PFKFB2: variants seen among roughly 807,000 people sequenced by gnomAD.
PFKFB2 encodes 6-phosphofructo-2-kinase/fructose-2,6-biphosphatase 2.
Under a neutral mutation model 68.0 loss-of-function variants are expected in PFKFB2, and 53 were observed. The ratio of observed to expected loss-of-function variants is 0.78; its 90% CI spans 0.63 to 0.98. The LOEUF is 0.98. PFKFB2 is among the 50% of genes least tolerant of loss of function. The pLI is 0.00. For synonymous variants in PFKFB2, 222 were observed against 227.6 expected (o/e 0.98, Z 0.22); for missense variants, 451 against 642.0 (o/e 0.70, Z 3.22).
chr1:207,063,871 T>C lies in PFKFB2; in HGVS notation c.507+42T>C. 8.0e-7 allele frequency: 1 copy of C among 1,255,968 alleles called. No individual in the cohort carries two copies. The highest frequency in any genetic ancestry group is 1.2e-6 in the Non-Finnish European group (1 of 867,338). 77.8% of individuals were successfully genotyped at this position (1,255,968 alleles called of 1,614,324 possible). ...CATATCATCTCCTCTTCACCTTTTGTGCTGTGTGTGTTGTGGGGTGTGTGT... is the reference window on the plus strand; with the variant it reads ...CATATCATCTCCTCTTCACCTTTTGCGCTGTGTGTGTTGTGGGGTGTGTGT... On this transcript the variant is annotated intron_variant, in intron 7 of 14. Coordinates refer to ENST00000367080, the MANE Select transcript of PFKFB2 (RefSeq NM_006212.2). This position sits in a 1 kb window ranked among gnomAD's most constrained non-coding sequence, Gnocchi z 4.1.
chr1:207,061,149 A>ATG lies in PFKFB2; in HGVS notation c.86-803_86-802insGT, dbSNP rs1335520551. On this transcript the variant is annotated intron_variant, in intron 2 of 14. Coordinates refer to ENST00000367080, the MANE Select transcript of PFKFB2 (RefSeq NM_006212.2). ...TATATCTTTATATATATCTTTATAT[A>ATG]TATTTATATATATCTTTATATATAT... 5.6e-5 allele frequency among the ~76,000 whole-genome samples: 6 copies of ATG among 106,950 alleles called. No individual in the cohort carries two copies. The Admixed American group carries it at 5.6e-4, about 10-fold the overall frequency. The allele number at this position is 106,950 out of a possible 152,430, so 70.2% of individuals were successfully genotyped here.
intron 2 of PFKFB2, among the ~76,000 whole-genome samples, chr1:207,043,495 C>T (rs1450307129): frequency 2.0e-5 from 3 of 152,132 alleles, no homozygotes; most frequent in African/African-American, 7.2e-5. Context: ...AATAAACCCT[C>T]CTATAGTGAT....
upstream of PFKFB2, chr1:207,049,840 A>C (rs567370143): frequency 1.5e-4 from 132 of 902,648 alleles, no homozygotes; most frequent in African/African-American, 2.1e-3. Flanking sequence ...TGGGGTTACT[A>C]AGGAGAATAC....
In PFKFB2 at chr1:207,076,957, G is replaced by A; in HGVS notation, c.*4586G>A. On this transcript the variant is annotated 3_prime_UTR_variant, in exon 15 of 15. Transcript: ENST00000367080. Reference sequence around the variant, plus strand: ...AAGGAAGGAATTAAGCACTCCACGTGTTTTCTTTATAGGGGAGTTCTGTAC... The same window carrying A: ...AAGGAAGGAATTAAGCACTCCACGTATTTTCTTTATAGGGGAGTTCTGTAC... 3.1e-6 allele frequency: 3 copies of A among 981,920 alleles called. No individual in the cohort carries two copies. The highest frequency in any genetic ancestry group is 2.4e-6 in the Non-Finnish European group (2 of 826,774). 60.8% of individuals were successfully genotyped at this position (981,920 alleles called of 1,614,324 possible).
In PFKFB2 at chr1:207,074,021, G is replaced by GAATT; in HGVS notation, c.*1651_*1654dup. The stretch of plus-strand genomic sequence containing the variant: ...GGTTCTCATCCAGGAGTATTCCTTA[G>GAATT]AATTGCCTTTAGGATTGTTGAATCA... On this transcript the variant is annotated 3_prime_UTR_variant, in exon 15 of 15. Coordinates refer to ENST00000367080, the MANE Select transcript of PFKFB2 (RefSeq NM_006212.2). The GAATT allele has an allele frequency of 1.0e-6, 1 of 966,586 alleles. No individual in the cohort carries two copies. Among genetic ancestry groups the GAATT allele is most frequent in the Non-Finnish European group, 1.2e-6 (1 of 812,792 alleles). The allele number at this position is 966,586 out of a possible 1,614,324, so 59.9% of individuals were successfully genotyped here. A position where few individuals can be genotyped will look rare whatever the true frequency, so the allele number is the denominator to read the frequency against.
intron 9 of PFKFB2, among the ~76,000 whole-genome samples, 168 bp from the exon 10 acceptor site, chr1:207,067,995 G>C (rs1683346189): frequency 6.6e-6 from 1 of 152,058 alleles, no homozygotes; most frequent in African/African-American, 2.4e-5. Flanking sequence ...ATTTCCTTTT[G>C]GGTTTATATT....
chr1:207,043,100 G>C (rs936180330), intron 2 of PFKFB2, among the ~76,000 whole-genome samples: 5 of 151,248 alleles, frequency 3.3e-5, no homozygotes, highest in African/African-American at 1.2e-4. Context: ...ACCAATTTCT[G>C]ATGTCCTTCT....
At chr1:207,056,026 G>A (rs533410423) in intron 2 of PFKFB2, among the ~76,000 whole-genome samples, 6 of 152,218 alleles carry the variant, frequency 3.9e-5, no homozygotes, top group African/African-American at 9.6e-5. Flanking sequence ...TTGAATCCCG[G>A]GTTTATGACT....
chr1:207,068,487 G>T (rs964912398), intron 10 of PFKFB2, among the ~76,000 whole-genome samples, 178 bp downstream of exon 10: 1 of 152,036 alleles, frequency 6.6e-6, no homozygotes, highest in Non-Finnish European at 1.5e-5. Flanking sequence ...CCCTAATCAG[G>T]GGTTTCCTGC....
upstream of PFKFB2, chr1:207,048,996 C>A: frequency 1.2e-6 from 2 of 1,600,624 alleles, no homozygotes. Context: ...AGGTAGTAGG[C>A]TTCAACCCTC....
At chr1:207,068,402 C>G in intron 10 of PFKFB2, 93 bp downstream of exon 10, 2 of 1,102,138 alleles carry the variant, frequency 1.8e-6, no homozygotes, top group Non-Finnish European at 2.5e-6. Flanking sequence ...ATCTAGGAAA[C>G]TACAACCAAC....
intron 7 of PFKFB2, among the ~76,000 whole-genome samples, chr1:207,064,175 G>A (rs1683213163): frequency 2.6e-5 from 4 of 152,088 alleles, no homozygotes; most frequent in Admixed American, 2.0e-4. Flanking sequence ...AGCCGGGCAC[G>A]GTGGCTCATG....
chr1:207,051,950 T>C (rs781100487), upstream of PFKFB2, among the ~76,000 whole-genome samples: 25 of 152,288 alleles, frequency 1.6e-4, no homozygotes, highest in Non-Finnish European at 3.1e-4. Flanking sequence ...TAAAAAGCCT[T>C]AAAGAGGAGA....
intron 2 of PFKFB2, among the ~76,000 whole-genome samples, chr1:207,059,952 G>A (rs539283657): frequency 3.1e-4 from 47 of 152,364 alleles, no homozygotes; most frequent in African/African-American, 1.1e-3. Flanking sequence ...CTGGGAAGCA[G>A]TGGTGGGAAG....
chr1:207,052,905 G>A (rs1682793406), upstream of PFKFB2: 1 of 152,232 alleles, frequency 6.6e-6, no homozygotes, highest in Admixed American at 6.5e-5. Context: ...TGGGATTCAG[G>A]AATGAGAGCG....
chr1:207,039,495 A>G (rs1368051078), intron 1 of PFKFB2, among the ~76,000 whole-genome samples: 1 of 152,254 alleles, frequency 6.6e-6, no homozygotes, highest in African/African-American at 2.4e-5. Flanking sequence ...AAAAATATTT[A>G]TGGTTACTTG....
chr1:207,073,620 G>A lies in PFKFB2; in HGVS notation c.*1249G>A, dbSNP rs948059885. ...ATTGGAGTATTCTTTTGTTCATAAA[G>A]AGAAACTATCTCATCTTGATGTCCA... On this transcript the variant is annotated 3_prime_UTR_variant, in exon 15 of 15. Transcript: ENST00000367080. The A allele has an allele frequency of 1.0e-6, 1 of 984,956 alleles. No homozygotes were observed. The allele number at this position is 984,956 out of a possible 1,614,324, so 61.0% of individuals were successfully genotyped here. A position where few individuals can be genotyped will look rare whatever the true frequency, so the allele number is the denominator to read the frequency against.
chr1:207,055,763 G>A (rs1449516412), intron 2 of PFKFB2, among the ~76,000 whole-genome samples: 1 of 152,150 alleles, frequency 6.6e-6, no homozygotes, highest in East Asian at 1.9e-4. Context: ...CCAGAGCCTC[G>A]ACCTTGATGT....
rs1396144245 is a variant in PFKFB2 at position 207,070,951 on chromosome 1, C to T, written c.1223-237C>T. 3.3e-5 allele frequency among the ~76,000 whole-genome samples: 5 copies of T among 152,112 alleles called. No individual in the cohort carries two copies. The highest frequency in any genetic ancestry group is 1.3e-4 in the Admixed American group (2 of 15,276). ...CCCCTTCCATTGGGCTCTCTGGCTA[C>T]AATACTTCCTGTTTTTGCCTGCGTG... On this transcript the variant is annotated intron_variant, in intron 12 of 14. Coordinates refer to ENST00000367080, the MANE Select transcript of PFKFB2 (RefSeq NM_006212.2). This position sits in a 1 kb window ranked among gnomAD's most constrained non-coding sequence, Gnocchi z 4.2.
Sources: allele counts gnomAD v4.1 joint callset (sites outside exome capture counted in the v4.1 genomes callset), GRCh38; gene constraint gnomAD v4.1.1; non-coding constraint Gnocchi (gnomAD v3.1); transcripts MANE v1.5; gene names NCBI Gene and HGNC (gene_info 2026-07-23, HGNC 2026-07-21).